The following TRAF3 variants were observed in gnomAD, a reference collection of about 807,000 sequenced individuals.
TRAF3 encodes the protein TNF receptor associated factor 3.
Under a neutral mutation model 62.3 loss-of-function variants are expected in TRAF3, and 13 were observed. That is an observed-to-expected ratio of 0.21 (90% CI 0.14 to 0.33). The LOEUF is 0.33. TRAF3 is among the 10% of genes least tolerant of loss of function. The pLI is 1.00. For synonymous variants in TRAF3, 269 were observed against 283.4 expected (o/e 0.95, Z 0.51); for missense variants, 440 against 741.8 (o/e 0.59, Z 4.73).
In TRAF3 at chr14:102,903,605, G is replaced by A. The variant is rs1412612272; in HGVS notation, c.1135+176G>A. On this transcript the variant is annotated intron_variant, in intron 11 of 11. Coordinates refer to ENST00000392745, the MANE Select transcript of TRAF3 (RefSeq NM_145725.3). The surrounding 1 kb of genome is among the most constrained non-coding windows in gnomAD (Gnocchi z 6.4). ...TTCCTACTGAAAGTCCCCCAGCAAAGACAAACGTTTCCCGCGCAGGCTTGT... is the reference window on the plus strand; with the variant it reads ...TTCCTACTGAAAGTCCCCCAGCAAAAACAAACGTTTCCCGCGCAGGCTTGT... 2.1e-6 allele frequency: 2 copies of A among 965,340 alleles called. No homozygotes were observed. Among genetic ancestry groups the A allele is most frequent in the African/African-American group, 3.2e-5 (2 of 62,074 alleles). The allele number at this position is 965,340 out of a possible 1,614,324, so 59.8% of individuals were successfully genotyped here. A position where few individuals can be genotyped will look rare whatever the true frequency, so the allele number is the denominator to read the frequency against.
At chr14:102,837,478 T>C (rs1886095445) in intron 2 of TRAF3, among the ~76,000 whole-genome samples, 1 of 152,154 alleles carries the variant, frequency 6.6e-6, no homozygotes, top group Non-Finnish European at 1.5e-5. Flanking sequence ...TGATAAATTT[T>C]ATTTTAGCCT....
At chr14:102,867,478 G>T (rs1176424301) in intron 2 of TRAF3, among the ~76,000 whole-genome samples, 1 of 152,156 alleles carries the variant, frequency 6.6e-6, no homozygotes, top group African/African-American at 2.4e-5. Context: ...CAGGGGAAAA[G>T]CACAGAGCGG....
intron 1 of TRAF3, among the ~76,000 whole-genome samples, chr14:102,805,641 T>C (rs1476099972): frequency 1.3e-5 from 2 of 152,186 alleles, no homozygotes; most frequent in Admixed American, 1.3e-4. Flanking sequence ...GGTGATTCCA[T>C]GCAGTTTTAC....
intron 2 of TRAF3, among the ~76,000 whole-genome samples, chr14:102,838,979 T>C (rs928782174): frequency 6.6e-6 from 1 of 152,174 alleles, no homozygotes; most frequent in African/African-American, 2.4e-5. Flanking sequence ...TTGAAAACAT[T>C]TTCCTGCACC....
rs35895214 is a variant in TRAF3, at chr14:102,792,113, C to CTTTTTTTTTT, written c.-157+14456_-157+14465dup. On this transcript the variant is annotated intron_variant, in intron 1 of 11. Coordinates refer to ENST00000392745, the MANE Select transcript of TRAF3 (RefSeq NM_145725.3). Reference sequence around the variant, plus strand: ...ACAGGTGCGAGCCACTGTGCCTGGACTTTTTTTTTTTTTTTTTTTTTTTTT... The same window carrying CTTTTTTTTTT: ...ACAGGTGCGAGCCACTGTGCCTGGACTTTTTTTTTTTTTTTTTTTTTTTTTTTTTTTTTTT... 3.5e-4 allele frequency among the ~76,000 whole-genome samples: 34 copies of CTTTTTTTTTT among 97,702 alleles called. 16 individuals are homozygous for CTTTTTTTTTT. Among genetic ancestry groups the CTTTTTTTTTT allele is most frequent in the South Asian group, 1.3e-3 (4 of 3,056 alleles). 64.1% of individuals were successfully genotyped at this position (97,702 alleles called of 152,430 possible). A position where few individuals can be genotyped will look rare whatever the true frequency, so the allele number is the denominator to read the frequency against.
At chr14:102,893,263 G>A (rs1297044627) in intron 9 of TRAF3, among the ~76,000 whole-genome samples, 3 of 151,718 alleles carry the variant, frequency 2.0e-5, no homozygotes, top group Non-Finnish European at 2.9e-5. Flanking sequence ...AGTGGCAGGC[G>A]CCTATAGTCC....
intron 6 of TRAF3, chr14:102,876,770 G>A (rs149554222): frequency 0.01 from 4,987 of 491,100 alleles, 43 homozygotes; most frequent in Middle Eastern, 0.063. Flanking sequence ...CAGGCCTTCC[G>A]CTCAGCTCAC....
intron 1 of TRAF3, among the ~76,000 whole-genome samples, chr14:102,793,852 A>G (rs1897930753): frequency 6.6e-6 from 1 of 152,184 alleles, no homozygotes; most frequent in South Asian, 2.1e-4. Context: ...TAAAACAGTA[A>G]TCTACTACTA....
At chr14:102,814,595 T>C (rs1053444878) in intron 1 of TRAF3, among the ~76,000 whole-genome samples, 2 of 151,980 alleles carry the variant, frequency 1.3e-5, no homozygotes, top group African/African-American at 4.8e-5. Flanking sequence ...TACAGCTCAG[T>C]GCAGCCTTGA....
intron 3 of TRAF3, among the ~76,000 whole-genome samples, chr14:102,870,778 T>A (rs958781940): frequency 6.6e-6 from 1 of 151,996 alleles, no homozygotes; most frequent in Non-Finnish European, 1.5e-5. Context: ...GACAAGCCAG[T>A]CATTTAAGGG....
chr14:102,883,978 TCAG>T (rs1437931781), intron 6 of TRAF3, among the ~76,000 whole-genome samples: 2 of 152,202 alleles, frequency 1.3e-5, no homozygotes, highest in Non-Finnish European at 1.5e-5. Context: ...TGAAAAAAAA[TCAG>T]CAGCAGATTC....
At chr14:102,793,703 C>T (rs1354720878) in intron 1 of TRAF3, among the ~76,000 whole-genome samples, 1 of 152,178 alleles carries the variant, frequency 6.6e-6, no homozygotes, top group Non-Finnish European at 1.5e-5. Flanking sequence ...AGCACACCAC[C>T]AGTGCAGGAT....
intron 2 of TRAF3, among the ~76,000 whole-genome samples, chr14:102,840,585 A>T (rs1409498260): frequency 6.6e-6 from 1 of 152,068 alleles, no homozygotes; most frequent in African/African-American, 2.4e-5. Context: ...TTTTTGTCTC[A>T]AGCTCCAGCA....
intron 1 of TRAF3, among the ~76,000 whole-genome samples, chr14:102,797,433 T>TAAAGAA (rs1191622422): frequency 6.6e-6 from 1 of 152,094 alleles, no homozygotes; most frequent in Non-Finnish European, 1.5e-5. Context: ...GTGGGAAGCG[T>TAAAGAA]AGAGATTATC....
intron 1 of TRAF3, among the ~76,000 whole-genome samples, chr14:102,807,543 T>C (rs1898849063): frequency 6.6e-6 from 1 of 152,196 alleles, no homozygotes; most frequent in Admixed American, 6.5e-5. Flanking sequence ...TCCTCTTGCT[T>C]TGGCCATCTT....
chr14:102,885,188 G>A (rs1008656737), intron 6 of TRAF3, among the ~76,000 whole-genome samples: 5 of 152,138 alleles, frequency 3.3e-5, no homozygotes, highest in South Asian at 2.1e-4. Context: ...GAGCAACCAC[G>A]TTCCGAGGAC....
chr14:102,864,370 G>T (rs1182303504), intron 2 of TRAF3, among the ~76,000 whole-genome samples: 2 of 151,818 alleles, frequency 1.3e-5, no homozygotes, highest in African/African-American at 2.4e-5. Flanking sequence ...GGATGGTCTC[G>T]ATCTCCTGAC....
At position 102,903,220 on chromosome 14, in the gene TRAF3, C is replaced by T; in HGVS notation, c.961-35C>T. On this transcript the variant is annotated intron_variant, in intron 10 of 11. Coordinates refer to ENST00000392745, the MANE Select transcript of TRAF3 (RefSeq NM_145725.3). This position sits in a 1 kb window ranked among gnomAD's most constrained non-coding sequence, Gnocchi z 6.4. Reference sequence around the variant, plus strand: ...TGGTGCAGCATTTTCCGAGTCCTAACTGTGTTTTGCTTTTTAACACCTTTG... The same window carrying T: ...TGGTGCAGCATTTTCCGAGTCCTAATTGTGTTTTGCTTTTTAACACCTTTG... 6.2e-7 allele frequency: 1 copy of T among 1,614,046 alleles called. No individual in the cohort carries two copies. The highest frequency in any genetic ancestry group is 1.1e-5 in the South Asian group (1 of 91,068).
At chr14:102,825,120 C>T (rs1900221694) in intron 1 of TRAF3, among the ~76,000 whole-genome samples, 1 of 152,228 alleles carries the variant, frequency 6.6e-6, no homozygotes, top group Non-Finnish European at 1.5e-5. Context: ...GCCCTTTCTG[C>T]TCTGCCCACG....
Sources: gnomAD v4.1 joint callset for allele counts (sites outside exome capture counted in the v4.1 genomes callset) on GRCh38, gnomAD v4.1.1 for gene constraint, Gnocchi (gnomAD v3.1) non-coding constraint, MANE v1.5 for transcripts, NCBI Gene and HGNC (gene_info 2026-07-23, HGNC 2026-07-21) for gene names.